Variants in OR3A2 observed in about 807,000 individuals in gnomAD.
The protein encoded by OR3A2 is olfactory receptor family 3 subfamily A member 2.
For missense variants in OR3A2, 318 were observed against 392.8 expected, an observed-to-expected ratio of 0.81 and a Z score of 1.61; for synonymous variants, 126 against 159.3, an observed-to-expected ratio of 0.79 and a Z score of 1.57.
chr17:3,276,116 G>T (rs182450241), downstream of OR3A2, among the ~76,000 whole-genome samples: 327 of 118,602 alleles, frequency 2.8e-3, no homozygotes, highest in Non-Finnish European at 4.7e-3. Context: ...GAAAAAAAAA[G>T]AAAAAAAAAA....
chr17:3,315,484 T>G (rs2049074412), intron 3 of OR3A2, among the ~76,000 whole-genome samples: 1 of 152,178 alleles, frequency 6.6e-6, no homozygotes, highest in Non-Finnish European at 1.5e-5. Flanking sequence ...CTTGTATGTC[T>G]TCTTTTGAGA....
At chr17:3,371,074 C>T (rs995426877) in intron 2 of OR3A2, among the ~76,000 whole-genome samples, 6 of 151,932 alleles carry the variant, frequency 3.9e-5, no homozygotes, top group Non-Finnish European at 5.9e-5. Flanking sequence ...CCTTTCCCCC[C>T]TTTCTATTCC....
chr17:3,358,064 T>C (rs1055541213), intron 2 of OR3A2, among the ~76,000 whole-genome samples: 1 of 151,616 alleles, frequency 6.6e-6, no homozygotes, highest in Non-Finnish European at 1.5e-5. Flanking sequence ...TCGAAGAGGC[T>C]GAGCTGTACT....
At chr17:3,367,293 C>A (rs372421167) in intron 2 of OR3A2, among the ~76,000 whole-genome samples, 1 of 152,210 alleles carries the variant, frequency 6.6e-6, no homozygotes, top group South Asian at 2.1e-4. Context: ...TGATTTGCGA[C>A]ATTTTGGTCC....
intron 2 of OR3A2, among the ~76,000 whole-genome samples, chr17:3,367,601 G>GTGTGTGTGTGTGTATATATA (rs1555530074): frequency 8.2e-6 from 1 of 122,534 alleles, no homozygotes; most frequent in African/African-American, 3.6e-5. Flanking sequence ...GTGTGTGTGT[G>GTGTGTGTGTGTGTATATATA]TATATATATA....
At chr17:3,282,162 C>A (rs903013538) in intron 1 of OR3A2, among the ~76,000 whole-genome samples, 1 of 152,154 alleles carries the variant, frequency 6.6e-6, no homozygotes, top group Non-Finnish European at 1.5e-5. Flanking sequence ...CACCTGTAAT[C>A]CCAGCACTTT....
intron 2 of OR3A2, among the ~76,000 whole-genome samples, chr17:3,341,611 T>C (rs2049319556): frequency 6.6e-6 from 1 of 152,230 alleles, no homozygotes; most frequent in African/African-American, 2.4e-5. Flanking sequence ...TTCTGGCTTG[T>C]AGAGTTTCTG....
intron 2 of OR3A2, among the ~76,000 whole-genome samples, chr17:3,356,106 AAAAG>A (rs1401163068): frequency 6.6e-6 from 1 of 151,494 alleles, no homozygotes; most frequent in African/African-American, 2.4e-5. Flanking sequence ...CAAACACACA[AAAAG>A]AAATAACTAA....
chr17:3,336,112 C>T lies in OR3A2; in HGVS notation c.-164G>A, dbSNP rs117915006. On this transcript the variant is annotated 5_prime_UTR_variant, in exon 3 of 5. It removes an upstream start codon present in the reference 5' UTR. Coordinates refer to the OR3A2 transcript ENST00000573491. ...GCCAACGCTGCCTATCTTCATTCAA[C>T]ATTTTGTGGCATGTCTGTGGAAATA... The T allele has an allele frequency of 8.4e-3, 1,274 of 152,424 alleles. 5 individuals carry two copies. The highest frequency in any genetic ancestry group is 0.031 in the Middle Eastern group (9 of 294). 9.4% of individuals were successfully genotyped at this position (152,424 alleles called of 1,614,324 possible). A position where few individuals can be genotyped will look rare whatever the true frequency, so the allele number is the denominator to read the frequency against.
chr17:3,323,487 G>T (rs1346761214), intron 3 of OR3A2, among the ~76,000 whole-genome samples: 1 of 152,006 alleles, frequency 6.6e-6, no homozygotes, highest in Non-Finnish European at 1.5e-5. Context: ...TTTTTGCAGT[G>T]GCTGGTACCG....
In OR3A2 at chr17:3,336,072, T is replaced by C. The variant is rs893673623; in HGVS notation, c.-124A>G. 3.3e-5 allele frequency: 5 copies of C among 152,322 alleles called. No homozygotes were observed. Among genetic ancestry groups the C allele is most frequent in the African/African-American group, 1.2e-4 (5 of 41,444 alleles). The allele number at this position is 152,322 out of a possible 1,614,324, so 9.4% of individuals were successfully genotyped here. On this transcript the variant is annotated 5_prime_UTR_variant, in exon 3 of 5. The change abolishes the stop of an existing upstream ORF in the 5' untranslated region. Coordinates refer to the OR3A2 transcript ENST00000573491. ...CACGCAGAGCCCTCCAGTGGAAGTT[T>C]CAGAAACTCTCCTTGCCAACGCTGC...
chr17:3,347,508 T>C (rs1340716501), intron 2 of OR3A2, among the ~76,000 whole-genome samples: 1 of 152,104 alleles, frequency 6.6e-6, no homozygotes, highest in East Asian at 1.9e-4. Flanking sequence ...GGTTTTTTGT[T>C]CTTGCAATAG....
At chr17:3,362,439 T>C (rs2049526879) in intron 2 of OR3A2, among the ~76,000 whole-genome samples, 2 of 151,732 alleles carry the variant, frequency 1.3e-5, no homozygotes, top group Non-Finnish European at 1.5e-5. Flanking sequence ...CTGATCTTAG[T>C]TATTTCTTGC....
In OR3A2 at chr17:3,290,964, T is replaced by C. The variant is rs534871878; in HGVS notation, c.-84-11811A>G. On this transcript the variant is annotated intron_variant, in intron 3 of 4. Transcript: ENST00000573491. ...ATGAGGAAAATTCATTTTTGTAACA[T>C]AAGATATATAATACATATTAATGGA... 2.0e-5 allele frequency: 3 copies of C among 152,238 alleles called. No individual in the cohort carries two copies. The East Asian group carries it at 5.8e-4, about 29-fold the overall frequency. The allele number at this position is 152,238 out of a possible 1,614,324, so 9.4% of individuals were successfully genotyped here. A position where few individuals can be genotyped will look rare whatever the true frequency, so the allele number is the denominator to read the frequency against.
At chr17:3,308,794 G>A (rs2049017699) in intron 3 of OR3A2, among the ~76,000 whole-genome samples, 2 of 152,152 alleles carry the variant, frequency 1.3e-5, no homozygotes, top group South Asian at 4.2e-4. Flanking sequence ...CTCTGCTCAT[G>A]CCTTTTGCCC....
upstream of OR3A2, among the ~76,000 whole-genome samples, chr17:3,286,381 T>A (rs2048812761): frequency 6.6e-6 from 1 of 152,182 alleles, no homozygotes; most frequent in African/African-American, 2.4e-5. Flanking sequence ...AACATACATG[T>A]GCATGTGTCT....
intron 2 of OR3A2, among the ~76,000 whole-genome samples, chr17:3,348,189 G>C (rs537255937): frequency 6.6e-6 from 1 of 152,028 alleles, no homozygotes; most frequent in Non-Finnish European, 1.5e-5. Flanking sequence ...CTCCCATTTT[G>C]TAGGTTGCCT....
At chr17:3,325,419 A>G (rs1370640753) in intron 3 of OR3A2, among the ~76,000 whole-genome samples, 1 of 152,000 alleles carries the variant, frequency 6.6e-6, no homozygotes, top group Admixed American at 6.6e-5. Context: ...CAGGTTGGCC[A>G]GGCTGGTCTC....
intron 3 of OR3A2, among the ~76,000 whole-genome samples, chr17:3,306,310 G>T (rs1010100923): frequency 2.0e-5 from 3 of 151,778 alleles, no homozygotes; most frequent in African/African-American, 7.3e-5. Flanking sequence ...TGCCACCACA[G>T]TCAGCTAATT....
Sources: gnomAD v4.1 joint callset for allele counts (sites outside exome capture counted in the v4.1 genomes callset) on GRCh38, gnomAD v4.1.1 for gene constraint, MANE v1.5 for transcripts, NCBI Gene and HGNC (gene_info 2026-07-23, HGNC 2026-07-21) for gene names.